The following FMN2 variants were observed in gnomAD, a reference collection of about 807,000 sequenced individuals.
FMN2 encodes formin-2.
Under a neutral mutation model 142.3 loss-of-function variants are expected in FMN2, and 51 were observed. That is an observed-to-expected ratio of 0.36 (90% confidence interval 0.29 to 0.45). The LOEUF (loss-of-function observed/expected upper bound fraction) is 0.45. Ranked by LOEUF, FMN2 falls within the 20% of genes least tolerant of loss-of-function variation. FMN2 has a pLI of 1.00. For missense variants in FMN2, 1,936 were observed against 2,122.8 expected (o/e 0.91, Z 1.73); for synonymous variants, 882 against 869.8 (o/e 1.01, Z -0.25).
rs59759995 is a variant in FMN2 at position 240,148,454 on chromosome 1, AAG to A, written c.1782+25119_1782+25120del. Among the ~76,000 whole-genome samples the A allele has an allele frequency of 6.7e-4, 101 of 150,804 alleles. No homozygotes were observed. In the East Asian group the frequency reaches 0.013, roughly 19 times the overall value. On this transcript the variant is annotated intron_variant, in intron 2 of 17. Coordinates refer to ENST00000319653, the MANE Select transcript of FMN2 (RefSeq NM_020066.5). ...AGAAAGAGAGAGACAGAGAGAGAGA[AAG>A]AGAGAGAGACAGGGAGAGAAAGAAA...
chr1:240,118,276 GT>G (rs1553326767), intron 1 of FMN2, among the ~76,000 whole-genome samples: 2 of 152,164 alleles, frequency 1.3e-5, no homozygotes, highest in Non-Finnish European at 2.9e-5. Context: ...GAGTAAGTAC[GT>G]TGCAAAGGGC....
intron 2 of FMN2, among the ~76,000 whole-genome samples, chr1:240,148,887 G>T (rs1394088405): frequency 2.6e-5 from 4 of 151,842 alleles, no homozygotes. Context: ...CAGGAGAATG[G>T]CGTGAACCCG....
chr1:240,393,171 A>AT (rs61633161), intron 15 of FMN2, among the ~76,000 whole-genome samples: 3,897 of 149,888 alleles, frequency 0.026, 59 homozygotes, highest in Middle Eastern at 0.045. Context: ...AGATAAGTGT[A>AT]TTTTTTTTTT....
intron 14 of FMN2, among the ~76,000 whole-genome samples, chr1:240,368,607 C>T (rs1672758828): frequency 1.3e-5 from 2 of 152,098 alleles, no homozygotes; most frequent in African/African-American, 4.8e-5. Context: ...GGCGATATCA[C>T]TGCGAATAAT....
intron 14 of FMN2, among the ~76,000 whole-genome samples, chr1:240,374,747 C>T (rs1672988636): frequency 6.6e-6 from 1 of 152,116 alleles, no homozygotes; most frequent in Non-Finnish European, 1.5e-5. Context: ...TTTTTGCTTT[C>T]TTGTCCTTCA....
At chr1:240,418,892 A>G (rs1258017858) in intron 15 of FMN2, among the ~76,000 whole-genome samples, 2 of 152,126 alleles carry the variant, frequency 1.3e-5, no homozygotes, top group African/African-American at 4.8e-5. Flanking sequence ...GGATCACCTG[A>G]GGTCAGGAGT....
intron 15 of FMN2, among the ~76,000 whole-genome samples, chr1:240,406,788 A>G (rs17681011): frequency 0.017 from 2,581 of 152,272 alleles, 29 homozygotes; most frequent in Non-Finnish European, 0.027. Context: ...AGCCCGGTCT[A>G]TAGTTGAGAC....
chr1:240,165,154 T>C (rs570630699), intron 2 of FMN2, among the ~76,000 whole-genome samples: 1 of 152,320 alleles, frequency 6.6e-6, no homozygotes, highest in Non-Finnish European at 1.5e-5. Context: ...AAATTATTTC[T>C]AGTTATCTGT....
chr1:240,209,882 C>A (rs374633450), intron 5 of FMN2, among the ~76,000 whole-genome samples: 4 of 151,758 alleles, frequency 2.6e-5, no homozygotes, highest in South Asian at 2.1e-4. Context: ...CCAGCCTGGG[C>A]GACAGAGCGA....
intron 13 of FMN2, among the ~76,000 whole-genome samples, chr1:240,353,924 G>A (rs1378245506): frequency 1.3e-5 from 2 of 152,140 alleles, no homozygotes; most frequent in African/African-American, 4.8e-5. Context: ...AGGGAATGCT[G>A]TTCAGGGGCA....
At chr1:240,351,758 C>T (rs114616041) in intron 13 of FMN2, among the ~76,000 whole-genome samples, 119 of 152,160 alleles carry the variant, frequency 7.8e-4, no homozygotes, top group Middle Eastern at 3.4e-3. Context: ...TCTCTACTTC[C>T]CCAGCTAATG....
In FMN2 at chr1:240,375,345, A is replaced by G. The variant is rs1673009115; in HGVS notation, c.4859-17166A>G. Among the ~76,000 whole-genome samples, 4 of 152,166 alleles carry G rather than the reference A, an allele frequency of 2.6e-5. No individual in the cohort carries two copies. The South Asian group carries it at 6.2e-4, about 24-fold the overall frequency. ...AGTCATTCGACTACAGTTGCTGCCGATCTTCAATATGTAAAAAATAAAAAA... is the reference window on the plus strand; with the variant it reads ...AGTCATTCGACTACAGTTGCTGCCGGTCTTCAATATGTAAAAAATAAAAAA... On this transcript the variant is annotated intron_variant, in intron 14 of 17. Coordinates refer to ENST00000319653, the MANE Select transcript of FMN2 (RefSeq NM_020066.5).
At chr1:240,348,989 T>C (rs1324311115) in intron 13 of FMN2, among the ~76,000 whole-genome samples, 1 of 152,192 alleles carries the variant, frequency 6.6e-6, no homozygotes, top group African/African-American at 2.4e-5. Flanking sequence ...ACTGATTTGA[T>C]GGTGCAGACT....
chr1:240,284,127 C>T (rs1050760302), intron 7 of FMN2, among the ~76,000 whole-genome samples: 1 of 152,142 alleles, frequency 6.6e-6, no homozygotes, highest in Admixed American at 6.5e-5. Flanking sequence ...TCAATGGCAA[C>T]CTACCTTAGC....
chr1:240,393,105 A>AAC (rs139514088), intron 15 of FMN2, among the ~76,000 whole-genome samples: 4,509 of 152,018 alleles, frequency 0.03, 221 homozygotes, highest in African/African-American at 0.1. Context: ...TACAGATATA[A>AAC]ACACACACAC....
intron 6 of FMN2, among the ~76,000 whole-genome samples, chr1:240,244,094 T>G (rs536396775): frequency 6.6e-6 from 1 of 152,208 alleles, no homozygotes; most frequent in African/African-American, 2.4e-5. Flanking sequence ...TTGAGTAATC[T>G]TATCTTTTTC....
intron 6 of FMN2, among the ~76,000 whole-genome samples, chr1:240,233,351 C>A (rs1667592029): frequency 6.6e-6 from 1 of 150,764 alleles, no homozygotes; most frequent in Admixed American, 6.6e-5. Context: ...CACCACTGCA[C>A]TCCAGCCTGG....
chr1:240,184,718 C>T (rs993802363), intron 3 of FMN2, among the ~76,000 whole-genome samples: 4 of 151,844 alleles, frequency 2.6e-5, no homozygotes, highest in African/African-American at 9.7e-5. Flanking sequence ...CCTGAAAGTG[C>T]CCTGGATCCT....
At chr1:240,451,987 C>G (rs189230675) in intron 16 of FMN2, among the ~76,000 whole-genome samples, 99 of 151,652 alleles carry the variant, frequency 6.5e-4, no homozygotes, top group East Asian at 5.6e-3. Context: ...GTCAGGAGAT[C>G]GAGACCATCC....
Sources: gnomAD v4.1 joint callset for allele counts (sites outside exome capture counted in the v4.1 genomes callset) on GRCh38, gnomAD v4.1.1 for gene constraint, MANE v1.5 for transcripts, NCBI Gene and HGNC (gene_info 2026-07-23, HGNC 2026-07-21) for gene names.